ERBB4: variants seen among roughly 807,000 people sequenced by gnomAD.
ERBB4 encodes the protein receptor tyrosine-protein kinase erbB-4.
In ERBB4, 42 loss-of-function variants were observed where a neutral mutation model predicts 158.0. The observed-to-expected ratio is 0.27, with a 90% CI of 0.21 to 0.34. ERBB4 has a LOEUF of 0.34. ERBB4 is among the 10% of genes least tolerant of loss of function. ERBB4 has a pLI of 1.00. For synonymous variants in ERBB4, 583 were observed against 558.7 expected, an observed-to-expected ratio of 1.04 and a Z score of -0.61; for missense variants, 1,333 against 1,624.1, an observed-to-expected ratio of 0.82 and a Z score of 3.08.
chr2:211,620,992 G>A (rs2069579477), intron 18 of ERBB4, among the ~76,000 whole-genome samples: 1 of 152,050 alleles, frequency 6.6e-6, no homozygotes, highest in African/African-American at 2.4e-5. Flanking sequence ...GCACATGCCT[G>A]TGGTCCCAGC....
rs533727757 is a variant in ERBB4, at chr2:212,010,038, T to C, written c.235-62422A>G. 4.6e-5 allele frequency among the ~76,000 whole-genome samples: 7 copies of C among 152,330 alleles called. No individual in the cohort carries two copies. In the South Asian group the frequency reaches 1.4e-3, roughly 32 times the overall value. Reference sequence around the variant, plus strand: ...CAATTCTTGTTAACAGGGCAAATTTTACCAGCTTTGGAATGCTCTTCAAGA... The same window carrying C: ...CAATTCTTGTTAACAGGGCAAATTTCACCAGCTTTGGAATGCTCTTCAAGA... On this transcript the variant is annotated intron_variant, in intron 2 of 27. Transcript: ENST00000342788.
intron 3 of ERBB4, among the ~76,000 whole-genome samples, chr2:211,887,758 T>C (rs542103114): frequency 1.3e-5 from 2 of 152,314 alleles, no homozygotes; most frequent in South Asian, 4.1e-4. Flanking sequence ...CTACTTGTAG[T>C]ACCTAAACAT....
chr2:211,782,943 A>G (rs1310238541), intron 4 of ERBB4, among the ~76,000 whole-genome samples: 2 of 152,170 alleles, frequency 1.3e-5, no homozygotes, highest in African/African-American at 4.8e-5. Flanking sequence ...GATGGCACTG[A>G]ATCTATAAAT....
intron 1 of ERBB4, among the ~76,000 whole-genome samples, chr2:212,147,657 T>C (rs1183835125): frequency 2.0e-5 from 3 of 152,156 alleles, no homozygotes; most frequent in African/African-American, 4.8e-5. Context: ...ATTGAATAAA[T>C]TGAGGATGTA....
chr2:212,036,576 T>G (rs779828360), intron 2 of ERBB4, among the ~76,000 whole-genome samples: 7 of 151,950 alleles, frequency 4.6e-5, no homozygotes, highest in Non-Finnish European at 8.8e-5. Flanking sequence ...GTTATTCTCC[T>G]GCCTCAGCCT....
intron 1 of ERBB4, among the ~76,000 whole-genome samples, chr2:212,492,050 C>G (rs1225714635): frequency 6.6e-6 from 1 of 151,316 alleles, no homozygotes; most frequent in Middle Eastern, 3.2e-3. Context: ...GATATTTTGC[C>G]AGGAGGATTC....
At chr2:212,455,365 C>T (rs77588876) in intron 1 of ERBB4, among the ~76,000 whole-genome samples, 3,528 of 152,156 alleles carry the variant, frequency 0.023, 57 homozygotes, top group African/African-American at 0.045. Flanking sequence ...CTAATCTTAT[C>T]GTTTTCTCAG....
chr2:212,145,007 T>TTA (rs1575699249), intron 1 of ERBB4, among the ~76,000 whole-genome samples: 1 of 152,178 alleles, frequency 6.6e-6, no homozygotes, highest in East Asian at 1.9e-4. Flanking sequence ...AAAAAAAGCT[T>TTA]TATGTGTAAT....
chr2:212,176,117 G>T (rs2081654203), intron 1 of ERBB4, among the ~76,000 whole-genome samples: 1 of 151,998 alleles, frequency 6.6e-6, no homozygotes, highest in South Asian at 2.1e-4. Context: ...TTCAGGGCAT[G>T]TTCATGATCT....
At chr2:212,116,902 G>C (rs2079587357) in intron 2 of ERBB4, among the ~76,000 whole-genome samples, 1 of 151,878 alleles carries the variant, frequency 6.6e-6, no homozygotes, top group Non-Finnish European at 1.5e-5. Flanking sequence ...TATATTTTTA[G>C]ATTAAATGGT....
chr2:212,274,831 G>T (rs1256510351), intron 1 of ERBB4, among the ~76,000 whole-genome samples: 2 of 151,660 alleles, frequency 1.3e-5, no homozygotes, highest in African/African-American at 4.8e-5. Flanking sequence ...ATGCAGGTTT[G>T]TTACATAGGT....
intron 3 of ERBB4, among the ~76,000 whole-genome samples, chr2:211,833,278 A>G (rs1219014699): frequency 6.6e-6 from 1 of 152,110 alleles, no homozygotes; most frequent in Non-Finnish European, 1.5e-5. Flanking sequence ...GGTTAATTCA[A>G]TTACTTAAAG....
At position 211,389,027 on chromosome 2, in the gene ERBB4, CTTGTTTGT is replaced by C. The variant is rs111695175; in HGVS notation, c.3136-1043_3136-1036del. Reference sequence around the variant, plus strand: ...AATAAACCTCTAAGATACCTTACATCTTGTTTGTTTGTTTGTTTGTTTGTTTGAGATGA... The same window carrying C: ...AATAAACCTCTAAGATACCTTACATCTTGTTTGTTTGTTTGTTTGAGATGA... On this transcript the variant is annotated intron_variant, in intron 25 of 27. Coordinates refer to ENST00000342788, the MANE Select transcript of ERBB4 (RefSeq NM_005235.3). Among the ~76,000 whole-genome samples, 122 of 152,012 alleles carry C rather than the reference CTTGTTTGT, an allele frequency of 8.0e-4. No homozygotes were observed. The Middle Eastern group carries it at 0.02, about 25-fold the overall frequency.
At chr2:212,061,552 T>G (rs2077768877) in intron 2 of ERBB4, among the ~76,000 whole-genome samples, 1 of 148,510 alleles carries the variant, frequency 6.7e-6, no homozygotes, top group Non-Finnish European at 1.5e-5. Flanking sequence ...TCATTACACT[T>G]CAATACCCAT....
At chr2:211,694,584 G>A (rs1300401417) in intron 12 of ERBB4, among the ~76,000 whole-genome samples, 1 of 149,890 alleles carries the variant, frequency 6.7e-6, no homozygotes, top group Non-Finnish European at 1.5e-5. Context: ...ACAAAGAACA[G>A]TGTATTGATG....
At chr2:211,395,206 G>A (rs555392976) in intron 25 of ERBB4, among the ~76,000 whole-genome samples, 2 of 152,158 alleles carry the variant, frequency 1.3e-5, no homozygotes, top group African/African-American at 4.8e-5. Context: ...TAGGCTACAT[G>A]CAGTATATGA....
chr2:212,173,407 G>A (rs924734784), intron 1 of ERBB4, among the ~76,000 whole-genome samples: 1 of 152,100 alleles, frequency 6.6e-6, no homozygotes, highest in Non-Finnish European at 1.5e-5. Flanking sequence ...CAAAGGCAAA[G>A]GCCTTGAAGC....
chr2:211,532,157 G>C (rs994893624), intron 20 of ERBB4, among the ~76,000 whole-genome samples: 4 of 151,378 alleles, frequency 2.6e-5, no homozygotes, highest in African/African-American at 9.7e-5. Flanking sequence ...GTTGTGGGGG[G>C]GGAAAGTAGG....
intron 2 of ERBB4, among the ~76,000 whole-genome samples, chr2:212,063,048 A>C (rs2077828606): frequency 6.6e-6 from 1 of 152,232 alleles, no homozygotes; most frequent in Admixed American, 6.5e-5. Flanking sequence ...GCTCACATGC[A>C]TACACAGGAG....
Sources: gnomAD v4.1 joint callset for allele counts (sites outside exome capture counted in the v4.1 genomes callset) on GRCh38, gnomAD v4.1.1 for gene constraint, MANE v1.5 for transcripts, NCBI Gene and HGNC (gene_info 2026-07-23, HGNC 2026-07-21) for gene names.